The following RBFOX1 variants were observed in gnomAD, a reference collection of about 807,000 sequenced individuals.
RBFOX1 encodes RNA binding fox-1 homolog 1, also known as RNA binding protein fox-1 homolog 1.
A neutral mutation model predicts 57.7 loss-of-function variants in RBFOX1; 8 were observed. The ratio of observed to expected loss-of-function variants is 0.14; its 90% CI spans 0.08 to 0.25. RBFOX1 has a LOEUF of 0.25. Among genes scored for constraint, RBFOX1 ranks in the 10% least tolerant of loss-of-function variants. RBFOX1 has a pLI of 1.00. For synonymous variants in RBFOX1, 326 were observed against 222.4 expected, an observed-to-expected ratio of 1.47 and a Z score of -4.15; for missense variants, 611 against 548.5, an observed-to-expected ratio of 1.11 and a Z score of -1.14.
intron 5 of RBFOX1, among the ~76,000 whole-genome samples, chr16:7,553,296 C>T (rs776880996): frequency 6.6e-6 from 1 of 152,078 alleles, no homozygotes. Flanking sequence ...AGGTGCCCAC[C>T]ACCACACCCC....
intron 3 of RBFOX1, among the ~76,000 whole-genome samples, chr16:6,841,966 G>T (rs753735209): frequency 4.7e-5 from 6 of 127,578 alleles, no homozygotes; most frequent in Non-Finnish European, 9.7e-5. Flanking sequence ...GTGAAACCCC[G>T]TCTCTATTAA....
chr16:5,760,350 C>T (rs553888060), intron 3 of RBFOX1, among the ~76,000 whole-genome samples: 1 of 151,318 alleles, frequency 6.6e-6, no homozygotes. Context: ...AAGATAAGTA[C>T]TCAGCAATTT....
chr16:7,410,065 G>GTGA (rs55881929), intron 4 of RBFOX1, among the ~76,000 whole-genome samples: 53,074 of 151,544 alleles, frequency 0.35, 9,860 homozygotes, highest in East Asian at 0.55. Flanking sequence ...GGAGTCTTCA[G>GTGA]TGATGATGAT....
At chr16:6,697,773 A>G (rs1003634870) in intron 3 of RBFOX1, among the ~76,000 whole-genome samples, 1 of 152,200 alleles carries the variant, frequency 6.6e-6, no homozygotes, top group Non-Finnish European at 1.5e-5. Context: ...AGCAAACCAG[A>G]TCAACAGAAG....
At chr16:6,488,243 T>C (rs8059829) in intron 2 of RBFOX1, among the ~76,000 whole-genome samples, 28,898 of 152,212 alleles carry the variant, frequency 0.19, 2,763 homozygotes, top group Middle Eastern at 0.26. Context: ...TGTTTAGTTG[T>C]AGTCTCTAGT....
chr16:6,057,236 C>T (rs1335185819), intron 1 of RBFOX1: 6 of 151,960 alleles, frequency 3.9e-5, no homozygotes, highest in African/African-American at 4.8e-5. Flanking sequence ...TTGTCTGCCT[C>T]CTCTAAATGC....
intron 2 of RBFOX1, among the ~76,000 whole-genome samples, chr16:6,487,941 TTCG>T (rs1402641335): frequency 6.6e-6 from 1 of 151,886 alleles, no homozygotes. Context: ...TTTTGGTTTG[TTCG>T]TTAAGTTTTC....
chr16:7,279,403 G>A (rs539729045), intron 4 of RBFOX1, among the ~76,000 whole-genome samples: 2 of 152,138 alleles, frequency 1.3e-5, no homozygotes, highest in Non-Finnish European at 2.9e-5. Context: ...TCATTTCTCT[G>A]TGCGTAAGCC....
intron 2 of RBFOX1, among the ~76,000 whole-genome samples, chr16:6,476,476 C>G (rs950490693): frequency 6.6e-6 from 1 of 152,090 alleles, no homozygotes; most frequent in Admixed American, 6.6e-5. Flanking sequence ...TGCTTTTGTA[C>G]CATACTGTAG....
At chr16:6,921,757 G>A (rs1404518608) in intron 3 of RBFOX1, among the ~76,000 whole-genome samples, 1 of 150,658 alleles carries the variant, frequency 6.6e-6, no homozygotes, top group Non-Finnish European at 1.5e-5. Flanking sequence ...ATGTGTGTGT[G>A]TATATATATG....
At chr16:7,642,621 A>C (rs2063031242) in intron 11 of RBFOX1, among the ~76,000 whole-genome samples, 2 of 152,190 alleles carry the variant, frequency 1.3e-5, no homozygotes, top group Non-Finnish European at 2.9e-5. Flanking sequence ...ATAGAACATG[A>C]ATGATTTAAC....
At chr16:5,980,302 G>A (rs1292827131) in intron 4 of RBFOX1, among the ~76,000 whole-genome samples, 1 of 152,226 alleles carries the variant, frequency 6.6e-6, no homozygotes, top group Non-Finnish European at 1.5e-5. Context: ...GCCACAGCTT[G>A]CAGAGAGAGC....
intron 3 of RBFOX1, among the ~76,000 whole-genome samples, chr16:5,623,689 TC>T (rs1403704140): frequency 6.6e-6 from 1 of 152,046 alleles, no homozygotes; most frequent in Non-Finnish European, 1.5e-5. Context: ...CCTACCTCCT[TC>T]CCTTTTTCTC....
In RBFOX1 at chr16:7,598,682, G is replaced by C. The variant is rs896432313; in HGVS notation, c.622+1251G>C. Among the ~76,000 whole-genome samples the C allele has an allele frequency of 3.3e-5, 5 of 152,080 alleles. No homozygotes were observed. In the East Asian group the frequency reaches 5.8e-4, roughly 18 times the overall value. ...TAGGTGTTCATTTATAGTATTCATA[G>C]TGTTGTATACATTTTTATGTGAATG... On this transcript the variant is annotated intron_variant, in intron 9 of 15. Coordinates refer to ENST00000550418, the MANE Select transcript of RBFOX1 (RefSeq NM_018723.4).
chr16:7,353,945 TTAAA>T (rs1188608061), intron 4 of RBFOX1, among the ~76,000 whole-genome samples: 17 of 152,326 alleles, frequency 1.1e-4, no homozygotes, highest in African/African-American at 4.1e-4. Context: ...TGTGAATATG[TTAAA>T]TAACACAGAA....
chr16:7,672,242 G>C (rs1388397080), intron 13 of RBFOX1, among the ~76,000 whole-genome samples: 1 of 152,170 alleles, frequency 6.6e-6, no homozygotes, highest in Non-Finnish European at 1.5e-5. Context: ...ATATTCATTG[G>C]AATGTGGCTG....
chr16:6,321,682 G>A (rs768534199), intron 2 of RBFOX1, among the ~76,000 whole-genome samples: 6 of 152,116 alleles, frequency 3.9e-5, no homozygotes, highest in East Asian at 1.9e-4. Context: ...AATAATGGTC[G>A]GGCAGATAGA....
At chr16:7,376,578 A>G (rs2097689702) in intron 4 of RBFOX1, among the ~76,000 whole-genome samples, 2 of 152,202 alleles carry the variant, frequency 1.3e-5, no homozygotes, top group Admixed American at 1.3e-4. Context: ...TTAGACCTCC[A>G]GCTAACTACC....
chr16:7,224,475 A>G (rs1369648279), intron 4 of RBFOX1, among the ~76,000 whole-genome samples: 2 of 152,006 alleles, frequency 1.3e-5, no homozygotes, highest in Non-Finnish European at 2.9e-5. Flanking sequence ...TTGGCTGCAA[A>G]TGATCGAGCT....
Sources: allele counts gnomAD v4.1 joint callset (sites outside exome capture counted in the v4.1 genomes callset), GRCh38; gene constraint gnomAD v4.1.1; transcripts MANE v1.5; gene names NCBI Gene and HGNC (gene_info 2026-07-23, HGNC 2026-07-21).